Variants in KCNB2 observed in about 807,000 individuals in gnomAD.
KCNB2 encodes the protein delayed rectifier potassium channel protein.
Under a neutral mutation model 61.5 loss-of-function variants are expected in KCNB2, and 15 were observed. That is an observed-to-expected ratio of 0.24 (90% CI 0.16 to 0.38). The LOEUF is 0.38. Ranked by LOEUF, KCNB2 falls within the 10% of genes least tolerant of loss-of-function variation. The pLI is 1.00. For synonymous variants in KCNB2, 457 were observed against 446.0 expected, an observed-to-expected ratio of 1.02 and a Z score of -0.31; for missense variants, 828 against 1,125.2, an observed-to-expected ratio of 0.74 and a Z score of 3.78.
chr8:72,789,854 C>T (rs554981108), intron 2 of KCNB2, among the ~76,000 whole-genome samples: 1 of 152,084 alleles, frequency 6.6e-6, no homozygotes, highest in South Asian at 2.1e-4. Context: ...TGATATTAAT[C>T]TGAATTCAGG....
At position 72,937,635 on chromosome 8, in the gene KCNB2, C is replaced by T. The variant is rs115151346; in HGVS notation, c.2280C>T (p.Thr760=). 1,439 of 1,613,936 alleles carry T rather than the reference C, an allele frequency of 8.9e-4. 11 individuals carry two copies. In the African/African-American group the frequency reaches 0.011, roughly 12 times the overall value. The part of the protein sequence containing the change: ...QHISTILLEE[T]PSQGDRPLLG... ...TCAGTACCATCCTCTTAGAAGAAAC[C>T]CCCTCCCAGGGAGACAGACCCTTGC... Residue 760 remains threonine (T), a synonymous_variant, in exon 3 of 3, where the codon ACC becomes ACT. Coordinates refer to ENST00000523207, the MANE Select transcript of KCNB2 (RefSeq NM_004770.3).
chr8:72,593,113 G>T (rs1314638765), intron 2 of KCNB2, among the ~76,000 whole-genome samples: 1 of 152,172 alleles, frequency 6.6e-6, no homozygotes, highest in Non-Finnish European at 1.5e-5. Flanking sequence ...TGGCATGCCT[G>T]ATAGTCAGTG....
At chr8:72,780,408 T>C (rs538655441) in intron 2 of KCNB2, among the ~76,000 whole-genome samples, 2 of 152,346 alleles carry the variant, frequency 1.3e-5, no homozygotes, top group African/African-American at 4.8e-5. Flanking sequence ...TATTGTCATG[T>C]AGAAAGAGAT....
intron 2 of KCNB2, among the ~76,000 whole-genome samples, chr8:72,686,355 TA>T (rs1190672563): frequency 6.6e-6 from 1 of 152,100 alleles, no homozygotes; most frequent in Non-Finnish European, 1.5e-5. Context: ...CTTTTTTGGA[TA>T]TTTTTTTTTG....
chr8:72,725,803 C>A (rs1807640683), intron 2 of KCNB2, among the ~76,000 whole-genome samples: 1 of 151,162 alleles, frequency 6.6e-6, no homozygotes, highest in South Asian at 2.1e-4. Flanking sequence ...CATAGTAAGC[C>A]CTTAGTAATG....
intron 2 of KCNB2, among the ~76,000 whole-genome samples, chr8:72,636,470 T>A (rs893447688): frequency 6.6e-6 from 1 of 152,202 alleles, no homozygotes; most frequent in African/African-American, 2.4e-5. Context: ...TCATTTTGAT[T>A]AGATTAGGTT....
chr8:72,715,877 G>A (rs1386347718), intron 2 of KCNB2, among the ~76,000 whole-genome samples: 2 of 152,136 alleles, frequency 1.3e-5, no homozygotes, highest in African/African-American at 4.8e-5. Flanking sequence ...CCAGGAGCTG[G>A]TTTTTTGAAA....
intron 2 of KCNB2, among the ~76,000 whole-genome samples, chr8:72,740,057 AGTCT>A (rs1162704654): frequency 2.6e-5 from 4 of 152,164 alleles, no homozygotes; most frequent in African/African-American, 7.2e-5. Flanking sequence ...AGAGTTTCAG[AGTCT>A]GTCTGTTAAG....
intron 2 of KCNB2, among the ~76,000 whole-genome samples, chr8:72,718,038 A>G (rs984961773): frequency 1.1e-4 from 16 of 152,090 alleles, no homozygotes; most frequent in Non-Finnish European, 1.8e-4. Context: ...GAAGACATTT[A>G]TGCAGCCAAA....
intron 2 of KCNB2, among the ~76,000 whole-genome samples, chr8:72,902,752 CT>C (rs1354245344): frequency 1.3e-5 from 2 of 152,128 alleles, no homozygotes; most frequent in South Asian, 2.1e-4. Context: ...GTGATATCTA[CT>C]TTTAGTATTC....
At chr8:72,725,685 C>T (rs1276189101) in intron 2 of KCNB2, among the ~76,000 whole-genome samples, 1 of 149,046 alleles carries the variant, frequency 6.7e-6, no homozygotes, top group South Asian at 2.1e-4. Context: ...CAGCTCTCAT[C>T]GTTTGCTTGC....
intron 2 of KCNB2, among the ~76,000 whole-genome samples, chr8:72,841,569 G>A (rs1809888129): frequency 6.6e-6 from 1 of 152,020 alleles, no homozygotes; most frequent in South Asian, 2.1e-4. Context: ...CCATGAGCAT[G>A]GAATGTTTTT....
At chr8:72,583,578 G>T (rs1256885085) in intron 2 of KCNB2, among the ~76,000 whole-genome samples, 1 of 152,180 alleles carries the variant, frequency 6.6e-6, no homozygotes, top group Non-Finnish European at 1.5e-5. Flanking sequence ...CTCTTAGCAG[G>T]GCTTTTGCCT....
chr8:72,617,548 A>G (rs1805639579), intron 2 of KCNB2, among the ~76,000 whole-genome samples: 1 of 151,258 alleles, frequency 6.6e-6, no homozygotes. Context: ...TTCAACGTGG[A>G]GCAGAAACCA....
intron 2 of KCNB2, among the ~76,000 whole-genome samples, chr8:72,812,194 G>A (rs2129000489): frequency 6.6e-6 from 1 of 152,132 alleles, no homozygotes; most frequent in East Asian, 1.9e-4. Context: ...CCGGGACCTG[G>A]GAGGCGGAGG....
At chr8:72,547,026 T>A (rs1404862386) in intron 1 of KCNB2, among the ~76,000 whole-genome samples, 1 of 152,192 alleles carries the variant, frequency 6.6e-6, no homozygotes, top group Non-Finnish European at 1.5e-5. Flanking sequence ...AATTCATTGC[T>A]TACTTTCTAT....
intron 2 of KCNB2, among the ~76,000 whole-genome samples, chr8:72,735,262 T>TA (rs1464820960): frequency 6.6e-6 from 1 of 152,222 alleles, no homozygotes; most frequent in African/African-American, 2.4e-5. Context: ...GACTTTTTTT[T>TA]ATTATTTCTT....
chr8:72,790,949 T>C (rs1207465910), intron 2 of KCNB2, among the ~76,000 whole-genome samples: 1 of 152,210 alleles, frequency 6.6e-6, no homozygotes, highest in Non-Finnish European at 1.5e-5. Flanking sequence ...ATTTAATTTG[T>C]GTTTACTGTA....
At chr8:72,916,242 A>G (rs1319484308) in intron 2 of KCNB2, among the ~76,000 whole-genome samples, 1 of 152,226 alleles carries the variant, frequency 6.6e-6, no homozygotes, top group Non-Finnish European at 1.5e-5. Flanking sequence ...GGTTAAATAT[A>G]AAAGATTATT....
Sources: allele counts gnomAD v4.1 joint callset (sites outside exome capture counted in the v4.1 genomes callset), GRCh38; gene constraint gnomAD v4.1.1; transcripts MANE v1.5; gene names NCBI Gene and HGNC (gene_info 2026-07-23, HGNC 2026-07-21).